The following HSD17B12 variants were observed in gnomAD, a reference collection of about 807,000 sequenced individuals.
HSD17B12 encodes very-long-chain 3-oxoacyl-CoA reductase.
HSD17B12 carries 32 observed loss-of-function variants against 39.3 expected under a neutral mutation model. The ratio of observed to expected loss-of-function variants is 0.81; its 90% CI spans 0.61 to 1.09. The LOEUF (loss-of-function observed/expected upper bound fraction) is 1.09. Among genes scored for constraint, HSD17B12 ranks in the 50% least tolerant of loss-of-function variants. The pLI is 0.00. For synonymous variants in HSD17B12, 150 were observed against 146.7 expected, an observed-to-expected ratio of 1.02 and a Z score of -0.16; for missense variants, 342 against 382.9, an observed-to-expected ratio of 0.89 and a Z score of 0.89.
At chr11:43,559,236 A>G in the HSD17B12 span, among the ~76,000 whole-genome samples, 7 of 152,174 alleles carry the variant, frequency 4.6e-5, no homozygotes, top group African/African-American at 1.7e-4. Context: ...GCTGTGGGGG[A>G]AGTGGTTACA....
chr11:43,720,798 A>G (rs898044730), intron 1 of HSD17B12, among the ~76,000 whole-genome samples: 4 of 138,630 alleles, frequency 2.9e-5, no homozygotes, highest in Non-Finnish European at 4.8e-5. Context: ...TAGCCTGTGT[A>G]TGTATCTGGC....
At chr11:43,716,223 A>G (rs991913985) in intron 1 of HSD17B12, among the ~76,000 whole-genome samples, 11 of 152,238 alleles carry the variant, frequency 7.2e-5, no homozygotes, top group East Asian at 1.9e-4. Flanking sequence ...CAGGTAGCAT[A>G]TAACAGGTGA....
intron 9 of HSD17B12, among the ~76,000 whole-genome samples, chr11:43,846,943 CAG>C (rs1951481764): frequency 6.6e-6 from 1 of 152,198 alleles, no homozygotes; most frequent in African/African-American, 2.4e-5. Context: ...AAAAGGCACA[CAG>C]AGCCTCTGCT....
chr11:43,556,753 T>C, the HSD17B12 span: 1 of 138,658 alleles, frequency 7.2e-6, no homozygotes, highest in East Asian at 2.5e-4. Context: ...GAACGCGAAC[T>C]GTTTTGCTTT....
At chr11:43,638,445 G>A in the HSD17B12 span, among the ~76,000 whole-genome samples, 1 of 148,566 alleles carries the variant, frequency 6.7e-6, no homozygotes, top group Non-Finnish European at 1.5e-5. Flanking sequence ...AAGGGAAAGA[G>A]GCAGAAAGGG....
chr11:43,664,363 T>TTTTCTCAAACTTTTCTCAA, the HSD17B12 span, among the ~76,000 whole-genome samples: 1 of 152,166 alleles, frequency 6.6e-6, no homozygotes, highest in Non-Finnish European at 1.5e-5. Context: ...AGAATATTTG[T>TTTTCTCAAACTTTTCTCAA]ACTGGCTCAT....
At chr11:43,786,631 A>G (rs1015247135) in intron 3 of HSD17B12, among the ~76,000 whole-genome samples, 3 of 152,254 alleles carry the variant, frequency 2.0e-5, no homozygotes, top group Non-Finnish European at 2.9e-5. Flanking sequence ...ATTCAGGGGA[A>G]AAAAGTTACT....
At chr11:43,822,821 A>G (rs1036908769) in intron 6 of HSD17B12, among the ~76,000 whole-genome samples, 3 of 152,124 alleles carry the variant, frequency 2.0e-5, no homozygotes, top group African/African-American at 7.2e-5. Flanking sequence ...TAGCAGCATG[A>G]TTTATACTCC....
chr11:43,840,168 T>C, intron 9 of HSD17B12, 104 bp downstream of exon 9: 2 of 840,234 alleles, frequency 2.4e-6, no homozygotes, highest in Non-Finnish European at 3.9e-6. Flanking sequence ...CCTAAGTAAG[T>C]GAATGTGACA....
chr11:43,771,662 T>TCTATCTCTA, intron 3 of HSD17B12, among the ~76,000 whole-genome samples: 1 of 151,918 alleles, frequency 6.6e-6, no homozygotes, highest in African/African-American at 2.4e-5. Context: ...AGATAGGGCT[T>TCTATCTCTA]CACCATGTTG....
At chr11:43,766,104 C>T (rs966076569) in intron 3 of HSD17B12, among the ~76,000 whole-genome samples, 2 of 152,242 alleles carry the variant, frequency 1.3e-5, no homozygotes, top group Non-Finnish European at 2.9e-5. Context: ...GGATTACAGG[C>T]GTGAGCCACC....
chr11:43,703,416 G>A (rs955969153), intron 1 of HSD17B12, among the ~76,000 whole-genome samples: 3 of 152,020 alleles, frequency 2.0e-5, no homozygotes, highest in Non-Finnish European at 4.4e-5. Flanking sequence ...GGATGGTCTC[G>A]ATCTCCCGAC....
chr11:43,813,866 A>G (rs986020823), intron 4 of HSD17B12, among the ~76,000 whole-genome samples: 1 of 152,160 alleles, frequency 6.6e-6, no homozygotes, highest in East Asian at 1.9e-4. Flanking sequence ...TTTTGCTTAC[A>G]TTTCTTCTGA....
At chr11:43,780,425 C>G (rs752846293) in intron 3 of HSD17B12, among the ~76,000 whole-genome samples, 1 of 152,148 alleles carries the variant, frequency 6.6e-6, no homozygotes, top group African/African-American at 2.4e-5. Context: ...ACCTCAGCCT[C>G]CCAAAGTGCT....
chr11:43,832,040 T>G (rs1187176295), intron 7 of HSD17B12, among the ~76,000 whole-genome samples: 1 of 152,260 alleles, frequency 6.6e-6, no homozygotes, highest in Non-Finnish European at 1.5e-5. Context: ...GCAAAGCTCC[T>G]TGTAATCCCA....
chr11:43,650,481 G>A, the HSD17B12 span, among the ~76,000 whole-genome samples: 4 of 152,312 alleles, frequency 2.6e-5, no homozygotes, highest in Admixed American at 1.3e-4. Context: ...TATTGGTGGG[G>A]ATGGGGGTTA....
chr11:43,676,208 G>GGTGTGTGTGTGTGT (rs56092553), upstream of HSD17B12, among the ~76,000 whole-genome samples: 3,769 of 147,674 alleles, frequency 0.026, 77 homozygotes, highest in African/African-American at 0.043. Context: ...AGAGGAAGAG[G>GGTGTGTGTGTGTGT]GTGTGTGTGT....
intron 9 of HSD17B12, among the ~76,000 whole-genome samples, chr11:43,848,120 G>A (rs572885168): frequency 1.1e-3 from 172 of 152,276 alleles, no homozygotes; most frequent in African/African-American, 4.0e-3. Flanking sequence ...TTAATAGAGT[G>A]TGTCTTTTGT....
At chr11:43,594,373 A>G in the HSD17B12 span, among the ~76,000 whole-genome samples, 1 of 152,162 alleles carries the variant, frequency 6.6e-6, no homozygotes, top group Non-Finnish European at 1.5e-5. Flanking sequence ...CTCAGCAAAT[A>G]GAAAATACAT....
Sources: gnomAD v4.1 joint callset for allele counts (sites outside exome capture counted in the v4.1 genomes callset) on GRCh38, gnomAD v4.1.1 for gene constraint, MANE v1.5 for transcripts, NCBI Gene and HGNC (gene_info 2026-07-23, HGNC 2026-07-21) for gene names.